Variants in DRC1 observed in about 807,000 individuals in gnomAD.
DRC1 encodes dynein regulatory complex subunit 1.
A neutral mutation model predicts 98.7 loss-of-function variants in DRC1; 74 were observed. That is an observed-to-expected ratio of 0.75 (90% CI 0.62 to 0.91). DRC1 has a LOEUF of 0.91. DRC1 is among the 40% of genes least tolerant of loss of function. The pLI is 0.00. For synonymous variants in DRC1, 336 were observed against 334.1 expected, an observed-to-expected ratio of 1.01 and a Z score of -0.06; for missense variants, 875 against 886.0, an observed-to-expected ratio of 0.99 and a Z score of 0.16.
intron 2 of DRC1, among the ~76,000 whole-genome samples, chr2:26,416,671 A>T (rs1309090454): frequency 6.6e-6 from 1 of 152,206 alleles, no homozygotes; most frequent in Admixed American, 6.5e-5. Context: ...TACTGAAAAG[A>T]TCATCCTTTC....
chr2:26,454,707 G>A lies in DRC1; in HGVS notation c.1980G>A (p.Glu660=), dbSNP rs758049295. 5 of 1,614,180 alleles carry A rather than the reference G, an allele frequency of 3.1e-6. No homozygotes were observed. The South Asian group carries it at 3.3e-5, about 11-fold the overall frequency. Residue 660 remains glutamate (E), a synonymous_variant, in exon 15 of 17, where the codon GAG becomes GAA. Coordinates refer to ENST00000288710, the MANE Select transcript of DRC1 (RefSeq NM_145038.5). The surrounding 1 kb of genome is among the most constrained non-coding windows in gnomAD (Gnocchi z 5.2). The stretch of plus-strand genomic sequence containing the variant: ...TGCGTGACAACTCCAAGGACTCGGA[G>A]TACTGGCAGGCCCTGACCACAGTGA... The part of the protein sequence containing the change: ...KNVRDNSKDS[E]YWQALTTVIP...
Position 26,424,352 on chromosome 2 carries a change from G to A in DRC1, c.438G>A (p.Gln146=). ...CCTCAAAGTGGGAAGAGGGCAAGCA[G>A]AAGAGAATTCCCCAAGAGCTGTGGG... ...EITSKWEEGK[Q]KRIPQELWEM... is the part of the protein sequence containing the mutation. The change falls in exon 4 of 17, where the codon CAG becomes CAA. Residue 146 remains glutamine, a synonymous_variant. Coordinates refer to ENST00000288710, the MANE Select transcript of DRC1 (RefSeq NM_145038.5). 1.2e-6 allele frequency: 2 copies of A among 1,613,916 alleles called. No homozygotes were observed.
At chr2:26,444,984 A>T in intron 10 of DRC1, 36 bp downstream of exon 10, 4 of 1,601,934 alleles carry the variant, frequency 2.5e-6, no homozygotes, top group South Asian at 2.2e-5. Context: ...TTAGAGCTGG[A>T]GGAGCCCCCT....
At chr2:26,434,890 CAAA>C (rs58202507) in intron 7 of DRC1, among the ~76,000 whole-genome samples, 5 of 126,868 alleles carry the variant, frequency 3.9e-5, no homozygotes, top group Admixed American at 1.6e-4. Flanking sequence ...GACTCCGTCT[CAAA>C]AAAAAAAAAA....
At chr2:26,453,714 G>C (rs1465760478) in intron 14 of DRC1, among the ~76,000 whole-genome samples, 165 bp downstream of exon 14, 3 of 152,256 alleles carry the variant, frequency 2.0e-5, no homozygotes, top group African/African-American at 4.8e-5. Flanking sequence ...TCGCTGGACA[G>C]TCAGGAAAGC....
intron 4 of DRC1, among the ~76,000 whole-genome samples, chr2:26,427,296 A>G (rs1663310327): frequency 6.6e-6 from 1 of 151,992 alleles, no homozygotes; most frequent in Non-Finnish European, 1.5e-5. Flanking sequence ...TTGTGTTTTT[A>G]GTAGAGATGG....
chr2:26,424,137 A>G, intron 3 of DRC1, 134 bp from the exon 4 acceptor site: 1 of 1,000,534 alleles, frequency 1.0e-6, no homozygotes, highest in Non-Finnish European at 1.5e-6. Context: ...ATTGAGTTTG[A>G]TTTTGGGCGG....
intron 10 of DRC1, chr2:26,448,224 CAAAA>C (rs34461558): frequency 1.2e-4 from 35 of 303,368 alleles, no homozygotes; most frequent in Middle Eastern, 5.4e-4. Context: ...GACTCCATCT[CAAAA>C]AAAAAAAAAA....
At position 26,456,557 on chromosome 2, in the gene DRC1, T is replaced by C; in HGVS notation, c.*40T>C. 6.2e-7 allele frequency: 1 copy of C among 1,612,118 alleles called. No individual in the cohort carries two copies. The highest frequency in any genetic ancestry group is 8.5e-7 in the Non-Finnish European group (1 of 1,178,364). On this transcript the variant is annotated 3_prime_UTR_variant, in exon 17 of 17. Coordinates refer to ENST00000288710, the MANE Select transcript of DRC1 (RefSeq NM_145038.5). The stretch of plus-strand genomic sequence containing the variant: ...GGCTGATGTGTTAGGGCTGGCCTGA[T>C]GCTGGTGTCTGTGCCGGAGCCAGCT...
At chr2:26,445,006 G>A in intron 10 of DRC1, 58 bp downstream of exon 10, 3 of 1,546,932 alleles carry the variant, frequency 1.9e-6, no homozygotes, top group Non-Finnish European at 2.6e-6. Flanking sequence ...AGAACATCGG[G>A]TCAAGCCAGT....
chr2:26,441,715 G>T (rs965540972), intron 8 of DRC1, among the ~76,000 whole-genome samples: 34 of 152,050 alleles, frequency 2.2e-4, no homozygotes, highest in Non-Finnish European at 4.7e-4. Context: ...TGAAGAGAAT[G>T]GGTAAGGTAG....
intron 4 of DRC1, among the ~76,000 whole-genome samples, chr2:26,429,182 GATGATTATTATT>G (rs1308805021): frequency 0.012 from 1,736 of 146,126 alleles, 52 homozygotes; most frequent in African/African-American, 0.042. Flanking sequence ...TCTTTGTACA[GATGATTATTATT>G]ATTATTATTA....
At chr2:26,445,060 T>C in intron 10 of DRC1, 112 bp downstream of exon 10, 3 of 1,138,056 alleles carry the variant, frequency 2.6e-6, no homozygotes, top group Non-Finnish European at 3.7e-6. Context: ...AGTATGATTA[T>C]TGGTATCGCT....
chr2:26,436,000 T>C (rs1015403601), intron 7 of DRC1, among the ~76,000 whole-genome samples: 1 of 152,204 alleles, frequency 6.6e-6, no homozygotes, highest in African/African-American at 2.4e-5. Flanking sequence ...GGTCAAATGG[T>C]AGCTCCGTTT....
In DRC1 at chr2:26,445,752, G is replaced by A. The variant is rs534951176; in HGVS notation, c.1396+804G>A. 1.7e-4 allele frequency among the ~76,000 whole-genome samples: 26 copies of A among 151,910 alleles called. No homozygotes were observed. In the South Asian group the frequency reaches 2.1e-3, roughly 12 times the overall value. On this transcript the variant is annotated intron_variant, in intron 10 of 16. Transcript: ENST00000288710. ...GGGCTCACTGCAACCTCCGCCTCCC[G>A]GGTTCAAGCAATTCCCCTGCCTCAG...
At chr2:26,447,484 A>G (rs565376682) in intron 10 of DRC1, among the ~76,000 whole-genome samples, 57 of 152,344 alleles carry the variant, frequency 3.7e-4, no homozygotes, top group African/African-American at 1.4e-3. Context: ...CCAGCTTGAT[A>G]CACATATAGG....
intron 3 of DRC1, among the ~76,000 whole-genome samples, chr2:26,423,243 G>C (rs1362533919): frequency 1.3e-5 from 2 of 152,042 alleles, no homozygotes; most frequent in Non-Finnish European, 2.9e-5. Flanking sequence ...AGGTCAGTGT[G>C]CTGCGGAAAG....
intron 3 of DRC1, among the ~76,000 whole-genome samples, chr2:26,422,123 G>A (rs905025234): frequency 3.3e-5 from 5 of 152,214 alleles, no homozygotes; most frequent in Non-Finnish European, 7.3e-5. Context: ...GGGCTGTGAG[G>A]GATGAATAGG....
intron 10 of DRC1, among the ~76,000 whole-genome samples, chr2:26,445,992 C>CT (rs1490603617): frequency 1.3e-5 from 2 of 151,914 alleles, no homozygotes; most frequent in African/African-American, 4.8e-5. Flanking sequence ...CGTCCTGGCT[C>CT]TCCAGGATGA....
Sources: allele counts gnomAD v4.1 joint callset (sites outside exome capture counted in the v4.1 genomes callset), GRCh38; gene constraint gnomAD v4.1.1; non-coding constraint Gnocchi (gnomAD v3.1); transcripts MANE v1.5; gene names NCBI Gene and HGNC (gene_info 2026-07-23, HGNC 2026-07-21).